Variants in GABRB1 observed in about 807,000 individuals in gnomAD.
GABRB1 encodes the protein gamma-aminobutyric acid receptor subunit beta-1.
A neutral mutation model predicts 51.6 loss-of-function variants in GABRB1; 17 were observed. The ratio of observed to expected loss-of-function variants is 0.33; its 90% CI spans 0.23 to 0.49. The LOEUF (loss-of-function observed/expected upper bound fraction) is 0.49, where lower values mean the gene tolerates loss of function less well. Among genes scored for constraint, GABRB1 ranks in the 20% least tolerant of loss-of-function variants. GABRB1 has a pLI of 0.99. For synonymous variants in GABRB1, 247 were observed against 218.9 expected (o/e 1.13, Z -1.14); for missense variants, 410 against 600.6 (o/e 0.68, Z 3.32).
intron 4 of GABRB1, among the ~76,000 whole-genome samples, chr4:47,301,564 G>T (rs1427999117): frequency 1.3e-5 from 2 of 150,584 alleles, no homozygotes; most frequent in African/African-American, 4.9e-5. Flanking sequence ...AGCCCAGGAA[G>T]TTGAGGCTAC....
In GABRB1 at chr4:47,333,215, TATATATATATATATATATATAC is replaced by T. The variant is rs1359356755; in HGVS notation, c.544+13008_544+13029del. Among the ~76,000 whole-genome samples, 190 of 90,868 alleles carry T rather than the reference TATATATATATATATATATATAC, an allele frequency of 2.1e-3. 2 individuals are homozygous for T. Among genetic ancestry groups the T allele is most frequent in the South Asian group, 8.9e-3 (26 of 2,912 alleles). The allele number at this position is 90,868 out of a possible 152,430, so 59.6% of individuals were successfully genotyped here. ...TTATTTATATATATATATATATATATATATATATATATATATATATACACACCACGTATTAATATGAATGTGA... is the reference window on the plus strand; with the variant it reads ...TTATTTATATATATATATATATATATACACCACGTATTAATATGAATGTGA... On this transcript the variant is annotated intron_variant, in intron 5 of 8. Coordinates refer to ENST00000295454, the MANE Select transcript of GABRB1 (RefSeq NM_000812.4).
At chr4:47,200,623 A>T (rs1449973364) in intron 4 of GABRB1, among the ~76,000 whole-genome samples, 7 of 152,154 alleles carry the variant, frequency 4.6e-5, no homozygotes, top group Non-Finnish European at 8.8e-5. Context: ...GATACCATTA[A>T]TAATAAAGGC....
chr4:47,377,739 C>T (rs1016094797), intron 5 of GABRB1, among the ~76,000 whole-genome samples: 17 of 152,010 alleles, frequency 1.1e-4, no homozygotes, highest in Non-Finnish European at 2.2e-4. Context: ...TCTCCAAGTC[C>T]CCACCAGATT....
intron 5 of GABRB1, among the ~76,000 whole-genome samples, chr4:47,384,456 A>T (rs1727714073): frequency 6.6e-6 from 1 of 152,144 alleles, no homozygotes; most frequent in Non-Finnish European, 1.5e-5. Context: ...TAAATAAAAC[A>T]AAACAAAACT....
At chr4:47,352,337 AC>A (rs1308530915) in intron 5 of GABRB1, among the ~76,000 whole-genome samples, 1 of 152,242 alleles carries the variant, frequency 6.6e-6, no homozygotes, top group Non-Finnish European at 1.5e-5. Context: ...TACCAGAGGT[AC>A]AAGGAGGAAC....
chr4:47,032,623 G>A (rs916598400), intron 3 of GABRB1, 139 bp downstream of exon 3: 2 of 791,964 alleles, frequency 2.5e-6, no homozygotes, highest in Admixed American at 1.9e-5. Flanking sequence ...TCCCCGCTCC[G>A]GCACACACAC....
At chr4:47,422,844 A>T (rs887719460) in intron 8 of GABRB1, among the ~76,000 whole-genome samples, 1 of 152,210 alleles carries the variant, frequency 6.6e-6, no homozygotes, top group South Asian at 2.1e-4. Context: ...GCCGATGACA[A>T]TATAATCTTT....
intron 5 of GABRB1, among the ~76,000 whole-genome samples, chr4:47,366,927 G>A (rs1266743995): frequency 1.3e-5 from 2 of 152,056 alleles, no homozygotes; most frequent in Non-Finnish European, 2.9e-5. Context: ...GTGACATTAT[G>A]TGTGGCATAT....
intron 3 of GABRB1, among the ~76,000 whole-genome samples, chr4:47,099,019 G>T (rs1714599863): frequency 6.6e-6 from 1 of 152,038 alleles, no homozygotes; most frequent in South Asian, 2.1e-4. Context: ...ATTAGCGCAA[G>T]TTGTTCTGAC....
chr4:47,043,436 CTG>C (rs746207379), intron 3 of GABRB1: 3 of 152,042 alleles, frequency 2.0e-5, no homozygotes, highest in Non-Finnish European at 2.9e-5. Context: ...TTCTCTGAAA[CTG>C]TGGAAACGAA....
At chr4:47,353,105 C>T (rs560128818) in intron 5 of GABRB1, among the ~76,000 whole-genome samples, 1 of 152,276 alleles carries the variant, frequency 6.6e-6, no homozygotes, top group Non-Finnish European at 1.5e-5. Context: ...ATAAAACCAT[C>T]AGATCTCATG....
intron 4 of GABRB1, among the ~76,000 whole-genome samples, chr4:47,207,165 C>A (rs778127034): frequency 9.2e-5 from 14 of 151,900 alleles, no homozygotes; most frequent in Non-Finnish European, 1.9e-4. Context: ...AGTATCACAG[C>A]ACAATTTGCA....
chr4:47,074,127 C>T (rs1293073078), intron 3 of GABRB1, among the ~76,000 whole-genome samples: 1 of 152,020 alleles, frequency 6.6e-6, no homozygotes. Context: ...TAAATGGTAT[C>T]TTAACCAATG....
rs544736190 is a variant in GABRB1 at position 47,041,429 on chromosome 4, G to A, written c.240+8945G>A. On this transcript the variant is annotated intron_variant, in intron 3 of 8. Coordinates refer to ENST00000295454, the MANE Select transcript of GABRB1 (RefSeq NM_000812.4). ...AGATTCAAATAGAAGAGGGCCCTTA[G>A]GTAGCTGTTAGCAATCAGCTGTTCT... Among the ~76,000 whole-genome samples the A allele has an allele frequency of 3.3e-5, 5 of 152,054 alleles. 1 individual carries two copies. Among genetic ancestry groups the A allele is most frequent in the Admixed American group, 2.6e-4 (4 of 15,242 alleles).
At chr4:47,039,435 A>G (rs532424086) in intron 3 of GABRB1, among the ~76,000 whole-genome samples, 85 of 151,706 alleles carry the variant, frequency 5.6e-4, no homozygotes, top group African/African-American at 1.9e-3. Flanking sequence ...CAAAAAACAG[A>G]CAAAACAATT....
At chr4:47,233,283 C>T (rs1439139642) in intron 4 of GABRB1, among the ~76,000 whole-genome samples, 4 of 152,088 alleles carry the variant, frequency 2.6e-5, no homozygotes, top group African/African-American at 9.7e-5. Flanking sequence ...TAAAATGAAG[C>T]TAATTGCATC....
chr4:47,057,856 A>G (rs1318356796), intron 3 of GABRB1, among the ~76,000 whole-genome samples: 1 of 152,212 alleles, frequency 6.6e-6, no homozygotes, highest in Non-Finnish European at 1.5e-5. Context: ...ATTTTTACAC[A>G]AGTATACCAC....
intron 3 of GABRB1, among the ~76,000 whole-genome samples, chr4:47,153,984 G>A (rs1249110060): frequency 6.6e-6 from 1 of 151,826 alleles, no homozygotes; most frequent in Non-Finnish European, 1.5e-5. Flanking sequence ...ACAAGACTAA[G>A]GAATAAGCAC....
At chr4:47,103,219 G>C (rs557441620) in intron 3 of GABRB1, among the ~76,000 whole-genome samples, 24 of 151,924 alleles carry the variant, frequency 1.6e-4, no homozygotes, top group Non-Finnish European at 3.1e-4. Flanking sequence ...TAGAAACAAA[G>C]TAGGAAAAAG....
Sources: allele counts gnomAD v4.1 joint callset (sites outside exome capture counted in the v4.1 genomes callset), GRCh38; gene constraint gnomAD v4.1.1; transcripts MANE v1.5; gene names NCBI Gene and HGNC (gene_info 2026-07-23, HGNC 2026-07-21).